The following GMDS variants were observed in gnomAD, a reference collection of about 807,000 sequenced individuals.
The protein encoded by GMDS is GDP-mannose 4,6 dehydratase.
A neutral mutation model predicts 49.9 loss-of-function variants in GMDS; 20 were observed. The observed-to-expected ratio is 0.40, with a 90% CI of 0.28 to 0.58. GMDS has a LOEUF of 0.58. Ranked by LOEUF, GMDS falls within the 20% of genes least tolerant of loss-of-function variation. The pLI, the probability that GMDS is intolerant of heterozygous loss-of-function variation, is 0.42. For missense variants in GMDS, 362 were observed against 481.4 expected, an observed-to-expected ratio of 0.75 and a Z score of 2.32; for synonymous variants, 177 against 178.6, an observed-to-expected ratio of 0.99 and a Z score of 0.07.
At chr6:1,978,697 C>T (rs534009711) in intron 4 of GMDS, among the ~76,000 whole-genome samples, 2 of 152,280 alleles carry the variant, frequency 1.3e-5, no homozygotes, top group South Asian at 2.1e-4. Context: ...GAGCCCAAAC[C>T]AATCAGGGGC....
At chr6:2,114,020 A>T (rs139501306) in intron 4 of GMDS, among the ~76,000 whole-genome samples, 8 of 152,176 alleles carry the variant, frequency 5.3e-5, no homozygotes, top group Non-Finnish European at 1.0e-4. Flanking sequence ...CACCAGAACG[A>T]TAACAAAACA....
chr6:1,914,058 G>A (rs1210495178), intron 7 of GMDS, among the ~76,000 whole-genome samples: 1 of 151,650 alleles, frequency 6.6e-6, no homozygotes, highest in East Asian at 1.9e-4. Context: ...GCTAAACTGT[G>A]GGAGCCAAAA....
intron 1 of GMDS, among the ~76,000 whole-genome samples, chr6:2,167,863 C>T (rs1224610398): frequency 3.3e-5 from 5 of 152,350 alleles, no homozygotes; most frequent in East Asian, 1.9e-4. Flanking sequence ...ATGGGAACAA[C>T]ATTCCTCTTG....
chr6:2,037,163 C>T lies in GMDS; in HGVS notation c.346-76197G>A, dbSNP rs763818002. Among the ~76,000 whole-genome samples the T allele has an allele frequency of 5.3e-5, 8 of 152,236 alleles. No homozygotes were observed. The South Asian group carries it at 8.3e-4, about 16-fold the overall frequency. ...ACACTTCATACACTTGGAGCTCTCC[C>T]GTGAACTGACAATGCCCCTTCAACT... On this transcript the variant is annotated intron_variant, in intron 4 of 10. Coordinates refer to ENST00000380815, the MANE Select transcript of GMDS (RefSeq NM_001500.4).
chr6:1,669,190 G>A (rs143731310), intron 9 of GMDS, among the ~76,000 whole-genome samples: 183 of 152,332 alleles, frequency 1.2e-3, no homozygotes, highest in African/African-American at 3.2e-3. Context: ...GGAAAAAAGC[G>A]CAAAGCAGGG....
At chr6:2,119,240 T>C (rs2127502945) in intron 2 of GMDS, among the ~76,000 whole-genome samples, 1 of 152,250 alleles carries the variant, frequency 6.6e-6, no homozygotes, top group Non-Finnish European at 1.5e-5. Context: ...TATATATTCA[T>C]TACATATAAA....
chr6:2,033,665 C>T (rs897858511), intron 4 of GMDS, among the ~76,000 whole-genome samples: 8 of 152,226 alleles, frequency 5.3e-5, no homozygotes, highest in African/African-American at 1.7e-4. Flanking sequence ...GTGTTCACCG[C>T]CATTGCTTTT....
intron 9 of GMDS, among the ~76,000 whole-genome samples, chr6:1,678,555 C>T (rs999686217): frequency 6.6e-6 from 1 of 152,012 alleles, no homozygotes; most frequent in Non-Finnish European, 1.5e-5. Context: ...GGGCTGGAAT[C>T]AGAAGTGAGT....
intron 7 of GMDS, among the ~76,000 whole-genome samples, chr6:1,791,688 G>C (rs1421280964): frequency 1.3e-5 from 2 of 152,092 alleles, no homozygotes. Context: ...CTCCTAAGTG[G>C]AATTAACATA....
intron 6 of GMDS, among the ~76,000 whole-genome samples, chr6:1,954,821 A>G (rs1356895938): frequency 1.3e-5 from 2 of 152,144 alleles, no homozygotes; most frequent in Non-Finnish European, 2.9e-5. Context: ...CCTAATTTCA[A>G]TATTGTTGTG....
Position 1,810,630 on chromosome 6 carries a change from G to A in GMDS, c.772-68044C>T, listed in dbSNP as rs143475342. Among the ~76,000 whole-genome samples the A allele has an allele frequency of 2.1e-3, 317 of 152,204 alleles. 2 individuals carry two copies. The highest frequency in any genetic ancestry group is 4.2e-3 in the Admixed American group (64 of 15,288). On this transcript the variant is annotated intron_variant, in intron 7 of 10. Transcript: ENST00000380815. ...GGGGAGCAGGGTATGTGAAAGAGGCGTGAAGAGCCTGATCTGCCAGGGAAC... is the reference window on the plus strand; with the variant it reads ...GGGGAGCAGGGTATGTGAAAGAGGCATGAAGAGCCTGATCTGCCAGGGAAC...
At chr6:2,159,581 T>C (rs1396672345) in intron 1 of GMDS, among the ~76,000 whole-genome samples, 3 of 146,844 alleles carry the variant, frequency 2.0e-5, no homozygotes, top group Non-Finnish European at 4.5e-5. Flanking sequence ...TGCAGTGGCA[T>C]GATCTCGGCT....
At chr6:1,927,117 AT>A (rs748848472) in intron 7 of GMDS, among the ~76,000 whole-genome samples, 1 of 145,274 alleles carries the variant, frequency 6.9e-6, no homozygotes. Flanking sequence ...GTGTTGGTGT[AT>A]TTTTATTCAG....
intron 1 of GMDS, among the ~76,000 whole-genome samples, chr6:2,133,458 TG>T (rs767926591): frequency 6.6e-6 from 1 of 152,236 alleles, no homozygotes; most frequent in Non-Finnish European, 1.5e-5. Context: ...ATACTGCTGT[TG>T]GTTAAGCACA....
intron 7 of GMDS, among the ~76,000 whole-genome samples, chr6:1,811,721 C>T (rs1002874139): frequency 2.6e-5 from 4 of 152,182 alleles, no homozygotes; most frequent in South Asian, 2.1e-4. Flanking sequence ...ACTGCCACTG[C>T]ACACAGTAGG....
chr6:1,930,173 T>C lies in GMDS; in HGVS notation c.701A>G (p.Gln234Arg). The change falls in exon 7 of 11, where the codon CAA becomes CGA. Residue 234 changes from glutamine (Q) to arginine (R), a missense_variant. Coordinates refer to ENST00000380815, the MANE Select transcript of GMDS (RefSeq NM_001500.4). ...ATTTCCCAAACTGAAACATTCCAGT[T>C]GTCCAAGGTAAATCTTAGCTACTGA... ...SRSVAKIYLG[Q>R]LECFSLGNLD... is the part of the protein sequence containing the mutation. 12 of 1,613,002 alleles carry C rather than the reference T, an allele frequency of 7.4e-6. No individual in the cohort carries two copies. Among genetic ancestry groups the C allele is most frequent in the Non-Finnish European group, 1.0e-5 (12 of 1,179,220 alleles).
At chr6:2,158,623 C>T (rs551740556) in intron 1 of GMDS, among the ~76,000 whole-genome samples, 8 of 152,282 alleles carry the variant, frequency 5.3e-5, no homozygotes, top group African/African-American at 1.9e-4. Context: ...TAGTAAAAAC[C>T]TCTTTGGCTA....
chr6:2,232,566 T>C (rs1037462051), intron 1 of GMDS, among the ~76,000 whole-genome samples: 1 of 152,226 alleles, frequency 6.6e-6, no homozygotes, highest in African/African-American at 2.4e-5. Context: ...ATATCATCAT[T>C]TTCTATCTTC....
intron 4 of GMDS, among the ~76,000 whole-genome samples, chr6:2,040,818 T>G (rs1245500524): frequency 6.6e-6 from 1 of 152,198 alleles, no homozygotes; most frequent in Non-Finnish European, 1.5e-5. Flanking sequence ...CACCCTTATC[T>G]CTGATCAAAG....
Sources: gnomAD v4.1 joint callset for allele counts (sites outside exome capture counted in the v4.1 genomes callset) on GRCh38, gnomAD v4.1.1 for gene constraint, MANE v1.5 for transcripts, NCBI Gene and HGNC (gene_info 2026-07-23, HGNC 2026-07-21) for gene names.